Variants in DNAAF5 observed in about 807,000 individuals in gnomAD.
DNAAF5 encodes the protein dynein axonemal assembly factor 5.
DNAAF5 carries 64 observed loss-of-function variants against 75.8 expected under a neutral mutation model. That is an observed-to-expected ratio of 0.84 (90% CI 0.69 to 1.04). DNAAF5 has a LOEUF of 1.04. Ranked by LOEUF, DNAAF5 falls within the 50% of genes least tolerant of loss-of-function variation. The pLI, the probability that DNAAF5 is intolerant of heterozygous loss-of-function variation, is 0.00. For synonymous variants in DNAAF5, 657 were observed against 557.2 expected, an observed-to-expected ratio of 1.18 and a Z score of -2.52; for missense variants, 1,269 against 1,178.5, an observed-to-expected ratio of 1.08 and a Z score of -1.12.
At chr7:728,698 A>G (rs969432572) in intron 1 of DNAAF5, among the ~76,000 whole-genome samples, 1 of 152,196 alleles carries the variant, frequency 6.6e-6, no homozygotes, top group Non-Finnish European at 1.5e-5. Context: ...ACAGGACAGC[A>G]CTGTGCCCAT....
chr7:770,763 C>G, intron 9 of DNAAF5, 145 bp downstream of exon 9: 1 of 750,060 alleles, frequency 1.3e-6, no homozygotes, highest in Non-Finnish European at 2.1e-6. Context: ...CCATCTCCCT[C>G]CCCCACACTG....
At chr7:766,791 C>G (rs73036238) in intron 8 of DNAAF5, among the ~76,000 whole-genome samples, 1 of 152,126 alleles carries the variant, frequency 6.6e-6, no homozygotes, top group African/African-American at 2.4e-5. Context: ...GCCCGGACAA[C>G]AGAGAGAGAC....
At chr7:761,932 C>T (rs1018924721) in intron 7 of DNAAF5, 36 bp downstream of exon 7, 6 of 1,547,062 alleles carry the variant, frequency 3.9e-6, no homozygotes, top group Middle Eastern at 2.1e-4. Flanking sequence ...CTTGACCTAG[C>T]GGAGCTCACA....
At chr7:748,506 G>T in intron 4 of DNAAF5, among the ~76,000 whole-genome samples, 1 of 152,306 alleles carries the variant, frequency 6.6e-6, no homozygotes, top group East Asian at 1.9e-4. Flanking sequence ...CCCCTTCCGT[G>T]CTCTGGATGC....
At chr7:773,962 C>A (rs532132589) in intron 9 of DNAAF5, 86 bp from the exon 10 acceptor site, 8 of 1,504,936 alleles carry the variant, frequency 5.3e-6, no homozygotes, top group East Asian at 2.3e-5. Flanking sequence ...TTGGCTCCCC[C>A]CTCAGCCCCA....
intron 4 of DNAAF5, among the ~76,000 whole-genome samples, chr7:742,702 T>C (rs539283837): frequency 2.9e-4 from 42 of 145,498 alleles, no homozygotes; most frequent in Non-Finnish European, 4.9e-4. Flanking sequence ...AAATCAATCA[T>C]GCCCAGCTCA....
At position 747,502 on chromosome 7, in the gene DNAAF5, G is replaced by A. The variant is rs112924628; in HGVS notation, c.1024+6037G>A. On this transcript the variant is annotated intron_variant, in intron 4 of 12. Transcript: ENST00000297440. ...TGGTGGGGTTTGCTGTTTTTACCGT[G>A]TCTGGCTGGTGTGCAGTGTTGTCAC... Among the ~76,000 whole-genome samples, 8 of 151,622 alleles carry A rather than the reference G, an allele frequency of 5.3e-5. No individual in the cohort carries two copies. The East Asian group carries it at 1.6e-3, about 30-fold the overall frequency.
chr7:730,173 G>C (rs1781521310), intron 2 of DNAAF5, among the ~76,000 whole-genome samples: 1 of 152,166 alleles, frequency 6.6e-6, no homozygotes, highest in African/African-American at 2.4e-5. Flanking sequence ...TTCCCGAAAA[G>C]CCACCATGGT....
intron 4 of DNAAF5, among the ~76,000 whole-genome samples, chr7:746,391 G>A (rs1215378281): frequency 1.3e-5 from 1 of 74,792 alleles, no homozygotes; most frequent in Non-Finnish European, 2.4e-5. Context: ...CCCAGGGCCT[G>A]TGACGCCCTC....
chr7:765,154 T>C (rs1782781614), intron 8 of DNAAF5, among the ~76,000 whole-genome samples: 1 of 152,150 alleles, frequency 6.6e-6, no homozygotes, highest in South Asian at 2.1e-4. Flanking sequence ...TGGCGATTGC[T>C]GACGTGCACT....
At position 726,817 on chromosome 7, in the gene DNAAF5, C is replaced by A. The variant is rs1489329904; in HGVS notation, c.97C>A (p.Arg33Ser). The change falls in exon 1 of 13, where the codon CGC becomes AGC. Residue 33 changes from arginine to serine, a missense_variant. Arg to Ser is a moderately radical substitution (Grantham distance 110). Coordinates refer to ENST00000297440, the MANE Select transcript of DNAAF5 (RefSeq NM_017802.4). ...EAVELSRALSRLLPGLEADSK... is the reference protein window; with the variant it reads ...EAVELSRALSSLLPGLEADSK... ...GGTGGAGCTGAGCCGCGCCCTGAGC[C>A]GCCTGCTGCCGGGGCTGGAGGCCGA... 1 of 1,323,188 alleles carries A rather than the reference C, an allele frequency of 7.6e-7. No individual in the cohort carries two copies. The highest frequency in any genetic ancestry group is 9.6e-7 in the Non-Finnish European group (1 of 1,039,796). 82.0% of individuals were successfully genotyped at this position (1,323,188 alleles called of 1,614,324 possible).
At chr7:735,768 TA>T (rs1410708183) in intron 2 of DNAAF5, among the ~76,000 whole-genome samples, 1 of 152,316 alleles carries the variant, frequency 6.6e-6, no homozygotes, top group East Asian at 1.9e-4. Flanking sequence ...GTATTTTTTT[TA>T]ATTTCAATTT....
chr7:778,939 G>A (rs1778850419), intron 11 of DNAAF5, among the ~76,000 whole-genome samples: 2 of 152,284 alleles, frequency 1.3e-5, no homozygotes, highest in Admixed American at 6.5e-5. Context: ...GCACCATAAT[G>A]CCTGGATGTG....
intron 8 of DNAAF5, chr7:769,351 G>T (rs947181932): frequency 4.2e-5 from 26 of 624,614 alleles, no homozygotes; most frequent in Non-Finnish European, 6.1e-5. Context: ...AGGAGACGCT[G>T]CAGGGACTCT....
chr7:743,428 G>T (rs1367615281), intron 4 of DNAAF5, among the ~76,000 whole-genome samples: 1 of 151,990 alleles, frequency 6.6e-6, no homozygotes, highest in Non-Finnish European at 1.5e-5. Flanking sequence ...GATGTTTGGT[G>T]CCCTGTTAAA....
chr7:752,787 A>G (rs76087684), intron 4 of DNAAF5, among the ~76,000 whole-genome samples: 1,611 of 152,346 alleles, frequency 0.011, 31 homozygotes, highest in African/African-American at 0.037. Flanking sequence ...CGAAAAGACA[A>G]ACCAAAGACT....
intron 8 of DNAAF5, among the ~76,000 whole-genome samples, chr7:767,640 G>A (rs1778361215): frequency 6.6e-6 from 1 of 152,032 alleles, no homozygotes; most frequent in African/African-American, 2.4e-5. Context: ...TGGAGGGAAA[G>A]TGAAGCCAGT....
At chr7:757,356 C>T (rs1435514629) in intron 6 of DNAAF5, among the ~76,000 whole-genome samples, 1 of 152,208 alleles carries the variant, frequency 6.6e-6, no homozygotes, top group Non-Finnish European at 1.5e-5. Context: ...CGTCCATGGC[C>T]GGGACCCTCT....
intron 2 of DNAAF5, among the ~76,000 whole-genome samples, chr7:738,555 C>A (rs540355001): frequency 6.7e-6 from 1 of 148,578 alleles, no homozygotes; most frequent in Non-Finnish European, 1.5e-5. Flanking sequence ...CTTGGGAAGG[C>A]TTCTAATCCA....
Sources: allele counts gnomAD v4.1 joint callset (sites outside exome capture counted in the v4.1 genomes callset), GRCh38; gene constraint gnomAD v4.1.1; transcripts MANE v1.5; gene names NCBI Gene and HGNC (gene_info 2026-07-23, HGNC 2026-07-21).